PTPRG: variants seen among roughly 807,000 people sequenced by gnomAD.
PTPRG encodes the protein receptor-type tyrosine-protein phosphatase gamma.
Under a neutral mutation model 165.3 loss-of-function variants are expected in PTPRG, and 102 were observed. The observed-to-expected ratio is 0.62, with a 90% CI of 0.53 to 0.73. PTPRG has a LOEUF of 0.73. Ranked by LOEUF, PTPRG falls within the 30% of genes least tolerant of loss-of-function variation. The pLI, the probability that PTPRG is intolerant of heterozygous loss-of-function variation, is 0.00. For synonymous variants in PTPRG, 675 were observed against 669.5 expected (o/e 1.01, Z -0.13); for missense variants, 1,866 against 1,861.4 (o/e 1.00, Z -0.05).
intron 1 of PTPRG, among the ~76,000 whole-genome samples, chr3:61,609,476 G>C (rs1701106300): frequency 6.6e-6 from 1 of 152,190 alleles, no homozygotes; most frequent in Non-Finnish European, 1.5e-5. Flanking sequence ...AGGTTCTTAA[G>C]AGTAGTACAA....
At chr3:62,177,617 C>T (rs1432374327) in intron 8 of PTPRG, among the ~76,000 whole-genome samples, 1 of 152,036 alleles carries the variant, frequency 6.6e-6, no homozygotes, top group Admixed American at 6.6e-5. Context: ...TCCTGTCCCC[C>T]TCTCCAGCCC....
At position 61,921,627 on chromosome 3, in the gene PTPRG, A is replaced by G. The variant is rs570685699; in HGVS notation, c.191-67998A>G. On this transcript the variant is annotated intron_variant, in intron 2 of 29. Transcript: ENST00000474889. ...TTAAAATTACCTTCAGACTATATGCATATATAAGGTATATGTGAAAGTTAA... is the reference window on the plus strand; with the variant it reads ...TTAAAATTACCTTCAGACTATATGCGTATATAAGGTATATGTGAAAGTTAA... 2.0e-4 allele frequency among the ~76,000 whole-genome samples: 31 copies of G among 152,340 alleles called. No homozygotes were observed. The South Asian group carries it at 6.4e-3, about 32-fold the overall frequency.
chr3:62,167,947 T>C, intron 7 of PTPRG, 24 bp from the exon 8 acceptor site: 1 of 1,574,796 alleles, frequency 6.4e-7, no homozygotes, highest in Non-Finnish European at 8.7e-7. Flanking sequence ...TTTTTCCCCC[T>C]CCCCTCTCTG....
chr3:61,773,867 C>G (rs534613645), intron 2 of PTPRG, among the ~76,000 whole-genome samples: 14 of 151,978 alleles, frequency 9.2e-5, no homozygotes, highest in Admixed American at 8.5e-4. Context: ...CTCCGTCCCC[C>G]GTGTTCAAGC....
intron 1 of PTPRG, chr3:61,742,698 C>T (rs925008685): frequency 2.0e-5 from 32 of 1,606,230 alleles, no homozygotes; most frequent in Non-Finnish European, 2.5e-5. Context: ...TGTGTGTGAG[C>T]AGGGAAGGGA....
intron 1 of PTPRG, among the ~76,000 whole-genome samples, chr3:61,576,826 A>G (rs907940322): frequency 6.6e-6 from 1 of 152,190 alleles, no homozygotes; most frequent in Non-Finnish European, 1.5e-5. Flanking sequence ...CAGTCTCTTG[A>G]TGGTGGTTAC....
intron 1 of PTPRG, chr3:61,742,930 C>T: frequency 1.4e-6 from 2 of 1,467,800 alleles, no homozygotes; most frequent in Admixed American, 1.7e-5. Context: ...CAACTTAGGG[C>T]GGGGAGTGGA....
At chr3:61,740,268 C>T (rs1057173646) in intron 1 of PTPRG, among the ~76,000 whole-genome samples, 1 of 152,212 alleles carries the variant, frequency 6.6e-6, no homozygotes, top group Admixed American at 6.5e-5. Flanking sequence ...AGTAAAATGG[C>T]CTGAAAGAGT....
intron 14 of PTPRG, among the ~76,000 whole-genome samples, chr3:62,231,931 G>A (rs766309110): frequency 6.6e-6 from 1 of 151,834 alleles, no homozygotes; most frequent in Non-Finnish European, 1.5e-5. Context: ...ACTCATGATT[G>A]TACAGTTTTA....
chr3:62,231,419 C>A, intron 14 of PTPRG, 108 bp downstream of exon 14: 1 of 731,224 alleles, frequency 1.4e-6, no homozygotes, highest in East Asian at 3.2e-5. Context: ...TGGCACAGTG[C>A]TGAAACTCAC....
chr3:62,197,590 G>A (rs976097634), intron 10 of PTPRG, among the ~76,000 whole-genome samples: 3 of 152,128 alleles, frequency 2.0e-5, no homozygotes, highest in African/African-American at 4.8e-5. Flanking sequence ...GCCTAGGGGA[G>A]AAGGAAGGAA....
chr3:62,194,461 T>C (rs1426680050), intron 9 of PTPRG, among the ~76,000 whole-genome samples: 2 of 152,168 alleles, frequency 1.3e-5, no homozygotes, highest in African/African-American at 4.8e-5. Flanking sequence ...AGCCTGGTGT[T>C]CTTCCTTGCA....
intron 1 of PTPRG, among the ~76,000 whole-genome samples, chr3:61,625,837 T>C (rs1006743892): frequency 6.6e-6 from 1 of 152,208 alleles, no homozygotes; most frequent in African/African-American, 2.4e-5. Flanking sequence ...TTTAAAAATG[T>C]TGAAGATTTT....
At chr3:61,688,859 G>A (rs772887033) in intron 1 of PTPRG, among the ~76,000 whole-genome samples, 4 of 152,142 alleles carry the variant, frequency 2.6e-5, no homozygotes, top group Non-Finnish European at 4.4e-5. Context: ...TAGATAGGGC[G>A]GCTTGACCTT....
intron 2 of PTPRG, among the ~76,000 whole-genome samples, chr3:61,769,115 T>A (rs1559601840): frequency 1.3e-5 from 2 of 152,330 alleles, no homozygotes; most frequent in East Asian, 3.9e-4. Context: ...TAAGTCACCA[T>A]ATGAAAATAT....
intron 2 of PTPRG, among the ~76,000 whole-genome samples, chr3:61,810,726 G>T (rs1221047291): frequency 6.6e-6 from 1 of 152,164 alleles, no homozygotes; most frequent in Non-Finnish European, 1.5e-5. Flanking sequence ...CTTTGACAGA[G>T]AAGTCATGGA....
chr3:62,038,324 G>A (rs1016100107), intron 4 of PTPRG, among the ~76,000 whole-genome samples: 1 of 152,188 alleles, frequency 6.6e-6, no homozygotes, highest in Non-Finnish European at 1.5e-5. Flanking sequence ...GTAGCTCCTG[G>A]TGTGGTCTTT....
Position 61,797,312 on chromosome 3 carries a change from A to AT in PTPRG, c.190+48337dup, listed in dbSNP as rs955565593. Among the ~76,000 whole-genome samples, 11 of 152,170 alleles carry AT rather than the reference A, an allele frequency of 7.2e-5. No homozygotes were observed. In the South Asian group the frequency reaches 1.9e-3, roughly 26 times the overall value. ...TTGAATAATGTTTGAAAATTGTTGG[A>AT]TTTTTTTCCCCCATATTTGAACATC... On this transcript the variant is annotated intron_variant, in intron 2 of 29. Transcript: ENST00000474889.
At chr3:62,036,641 A>T (rs1378497644) in intron 4 of PTPRG, among the ~76,000 whole-genome samples, 1 of 152,210 alleles carries the variant, frequency 6.6e-6, no homozygotes, top group East Asian at 1.9e-4. Context: ...CTAATGGTAC[A>T]CTTAGATATG....
Sources: allele counts gnomAD v4.1 joint callset (sites outside exome capture counted in the v4.1 genomes callset), GRCh38; gene constraint gnomAD v4.1.1; transcripts MANE v1.5; gene names NCBI Gene and HGNC (gene_info 2026-07-23, HGNC 2026-07-21).